KIF26B: variants seen among roughly 807,000 people sequenced by gnomAD.
KIF26B encodes kinesin-like protein KIF26B.
KIF26B carries 63 observed loss-of-function variants against 151.2 expected under a neutral mutation model. The ratio of observed to expected loss-of-function variants is 0.42; its 90% CI spans 0.34 to 0.51. The LOEUF (loss-of-function observed/expected upper bound fraction) is 0.51. KIF26B is among the 20% of genes least tolerant of loss of function. The pLI is 0.07. For missense variants in KIF26B, 2,813 were observed against 2,913.6 expected (o/e 0.97, Z 0.79); for synonymous variants, 1,357 against 1,262.1 (o/e 1.08, Z -1.59).
Position 245,611,853 on chromosome 1 carries a change from G to A in KIF26B, c.1975G>A (p.Ala659Thr). The A allele has an allele frequency of 6.2e-7, 1 of 1,613,822 alleles. No homozygotes were observed. The change falls in exon 9 of 15, where the codon GCC (alanine) becomes ACC (threonine). Residue 659 changes from alanine (A) to threonine (T), a missense_variant. Ala to Thr is a moderately conservative substitution (Grantham distance 58, BLOSUM62 0). Coordinates refer to ENST00000407071, the MANE Select transcript of KIF26B (RefSeq NM_018012.4). ...TAEKAAFFLD[A>T]AIASRRSHQQ... The stretch of plus-strand genomic sequence containing the variant: ...AGAGAAGGCTGCCTTTTTCCTGGAT[G>A]CCGCCATTGCCTCCCGCAGGAGCCA...
rs112761755 is a variant in KIF26B, at chr1:245,560,309, G to T, written c.1350+19359G>T. ...CCAGATACCCTCCAGACATAGGTCC[G>T]GCCTCTCAGGAGTTTTCATTCTCCT... On this transcript the variant is annotated intron_variant, in intron 5 of 14. Coordinates refer to ENST00000407071, the MANE Select transcript of KIF26B (RefSeq NM_018012.4). The surrounding 1 kb of genome is among the most constrained non-coding windows in gnomAD (Gnocchi z 4.3). Among the ~76,000 whole-genome samples the T allele has an allele frequency of 3.4e-3, 513 of 152,218 alleles. 5 individuals are homozygous for T. The highest frequency in any genetic ancestry group is 0.014 in the Middle Eastern group (4 of 294).
chr1:245,260,908 T>A (rs1310202945), intron 2 of KIF26B, among the ~76,000 whole-genome samples: 1 of 152,226 alleles, frequency 6.6e-6, no homozygotes, highest in African/African-American at 2.4e-5. Context: ...TGGACATAGC[T>A]CTCTGTAGAT....
chr1:245,301,122 C>T (rs981848284), intron 2 of KIF26B, among the ~76,000 whole-genome samples: 14 of 152,168 alleles, frequency 9.2e-5, no homozygotes, highest in South Asian at 6.2e-4. Flanking sequence ...TGAGCCACCA[C>T]GCTCGGCCGA....
intron 5 of KIF26B, among the ~76,000 whole-genome samples, chr1:245,590,307 G>A (rs2043274532): frequency 6.6e-6 from 1 of 152,170 alleles, no homozygotes; most frequent in African/African-American, 2.4e-5. Flanking sequence ...GGGGCGGCTG[G>A]GCCCCGCGGG....
intron 5 of KIF26B, among the ~76,000 whole-genome samples, chr1:245,582,411 GT>G (rs564517671): frequency 1.1e-3 from 167 of 151,796 alleles, no homozygotes; most frequent in African/African-American, 3.7e-3. Flanking sequence ...TTACCAGGCC[GT>G]TAATCTAAGT....
In KIF26B at chr1:245,239,841, G is replaced by T. The variant is rs1042469704; in HGVS notation, c.465+83158G>T. The stretch of plus-strand genomic sequence containing the variant: ...TGTTTTAGTGTTTTTCCTTCCAAAA[G>T]TTGTCTTTCCTGACAGTGTATTTTT... On this transcript the variant is annotated intron_variant, in intron 2 of 14. Transcript: ENST00000407071. The surrounding 1 kb of genome is among the most constrained non-coding windows in gnomAD (Gnocchi z 4.3). 6.6e-6 allele frequency among the ~76,000 whole-genome samples: 1 copy of T among 152,018 alleles called. No individual in the cohort carries two copies. Among genetic ancestry groups the T allele is most frequent in the African/African-American group, 2.4e-5 (1 of 41,396 alleles).
At chr1:245,562,854 G>A (rs1432902478) in intron 5 of KIF26B, among the ~76,000 whole-genome samples, 2 of 152,110 alleles carry the variant, frequency 1.3e-5, no homozygotes, top group African/African-American at 4.8e-5. Flanking sequence ...GGGACTATAG[G>A]CATGCGTCAC....
At chr1:245,583,746 A>G (rs2043199710) in intron 5 of KIF26B, among the ~76,000 whole-genome samples, 1 of 152,158 alleles carries the variant, frequency 6.6e-6, no homozygotes, top group Non-Finnish European at 1.5e-5. Flanking sequence ...CGGTGTGTCA[A>G]AGCTGGAAAA....
chr1:245,185,563 C>T (rs1668985822), intron 2 of KIF26B, among the ~76,000 whole-genome samples: 1 of 152,236 alleles, frequency 6.6e-6, no homozygotes, highest in African/African-American at 2.4e-5. Context: ...ACACTGTGGT[C>T]TGTCTTTTCT....
intron 4 of KIF26B, among the ~76,000 whole-genome samples, chr1:245,429,799 G>C (rs1223371024): frequency 1.3e-5 from 2 of 152,124 alleles, no homozygotes; most frequent in Non-Finnish European, 2.9e-5. Flanking sequence ...TTTTTTAGTA[G>C]AGATGGGGTT....
intron 5 of KIF26B, among the ~76,000 whole-genome samples, chr1:245,577,146 G>A (rs914047629): frequency 3.3e-5 from 5 of 152,220 alleles, no homozygotes; most frequent in South Asian, 2.1e-4. Flanking sequence ...GTTTACAGGT[G>A]AGAAAACAAA....
chr1:245,569,163 A>G (rs1286270142), intron 5 of KIF26B, among the ~76,000 whole-genome samples: 1 of 152,184 alleles, frequency 6.6e-6, no homozygotes, highest in African/African-American at 2.4e-5. Flanking sequence ...TTGAATTTGA[A>G]GCCAGAGAAG....
intron 2 of KIF26B, among the ~76,000 whole-genome samples, chr1:245,246,025 G>A (rs2103562474): frequency 6.6e-6 from 1 of 151,904 alleles, no homozygotes; most frequent in Middle Eastern, 3.4e-3. Context: ...CTGGGAGGCG[G>A]AGCTTGCCAT....
intron 2 of KIF26B, among the ~76,000 whole-genome samples, chr1:245,250,460 G>A (rs1670422967): frequency 6.6e-6 from 1 of 152,114 alleles, no homozygotes; most frequent in South Asian, 2.1e-4. Flanking sequence ...GTTACAAGCG[G>A]TGCTATAATA....
chr1:245,464,779 G>T (rs1323902868), intron 4 of KIF26B, among the ~76,000 whole-genome samples: 1 of 152,112 alleles, frequency 6.6e-6, no homozygotes, highest in Non-Finnish European at 1.5e-5. Flanking sequence ...AGTTGAAGTT[G>T]TGTCGTGGAG....
At chr1:245,511,278 G>T in intron 4 of KIF26B, 1 of 610,086 alleles carries the variant, frequency 1.6e-6, no homozygotes, top group Admixed American at 2.9e-5. Flanking sequence ...TCCAGGTTGT[G>T]CAAGCTTTCT....
rs775502947 is a variant in KIF26B, at chr1:245,495,117, A to G, written c.1167-45650A>G. Among the ~76,000 whole-genome samples, 9 of 152,218 alleles carry G rather than the reference A, an allele frequency of 5.9e-5. No individual in the cohort carries two copies. Among genetic ancestry groups the G allele is most frequent in the Non-Finnish European group, 1.2e-4 (8 of 68,044 alleles). On this transcript the variant is annotated intron_variant, in intron 4 of 14. Coordinates refer to ENST00000407071, the MANE Select transcript of KIF26B (RefSeq NM_018012.4). The surrounding 1 kb of genome is among the most constrained non-coding windows in gnomAD (Gnocchi z 4.2). The stretch of plus-strand genomic sequence containing the variant: ...AAATGAAATAATGGATATTAAGAAC[A>G]CAACAAGTGGATCTAATAGCAGATT...
Position 245,229,860 on chromosome 1 carries a change from T to C in KIF26B, c.465+73177T>C, listed in dbSNP as rs532496309. On this transcript the variant is annotated intron_variant, in intron 2 of 14. Transcript: ENST00000407071. ...CAAATAAAACCACTCAGAGGCCGGGTTCGGTGGCTCACGCCTGTAATCCCC... is the reference window on the plus strand; with the variant it reads ...CAAATAAAACCACTCAGAGGCCGGGCTCGGTGGCTCACGCCTGTAATCCCC... 3.6e-4 allele frequency among the ~76,000 whole-genome samples: 55 copies of C among 152,212 alleles called. No individual in the cohort carries two copies. In the East Asian group the frequency reaches 9.7e-3, roughly 27 times the overall value.
At position 245,271,635 on chromosome 1, in the gene KIF26B, G is replaced by A. The variant is rs964504851; in HGVS notation, c.466-95199G>A. ...ATGATCATATTATTTTTATCTTTCA[G>A]TCTTTTAATGTGATGTACCACATTG... On this transcript the variant is annotated intron_variant, in intron 2 of 14. Coordinates refer to ENST00000407071, the MANE Select transcript of KIF26B (RefSeq NM_018012.4). 2.1e-4 allele frequency among the ~76,000 whole-genome samples: 30 copies of A among 143,502 alleles called. 1 individual carries two copies. Among genetic ancestry groups the A allele is most frequent in the Admixed American group, 2.8e-4 (4 of 14,274 alleles). The allele number at this position is 143,502 out of a possible 152,430, so 94.1% of individuals were successfully genotyped here. A position where few individuals can be genotyped will look rare whatever the true frequency, so the allele number is the denominator to read the frequency against.
Sources: gnomAD v4.1 joint callset for allele counts (sites outside exome capture counted in the v4.1 genomes callset) on GRCh38, gnomAD v4.1.1 for gene constraint, Gnocchi (gnomAD v3.1) non-coding constraint, MANE v1.5 for transcripts, NCBI Gene and HGNC (gene_info 2026-07-23, HGNC 2026-07-21) for gene names.